Variants in RGMB observed in about 807,000 individuals in gnomAD.
RGMB encodes repulsive guidance molecule B.
RGMB carries 16 observed loss-of-function variants against 26.9 expected under a neutral mutation model. That is an observed-to-expected ratio of 0.60 (90% confidence interval 0.40 to 0.90). The LOEUF is 0.90. Among genes scored for constraint, RGMB ranks in the 40% least tolerant of loss-of-function variants. The pLI is 0.00. For missense variants in RGMB, 512 were observed against 573.3 expected, an observed-to-expected ratio of 0.89 and a Z score of 1.09; for synonymous variants, 225 against 229.3, an observed-to-expected ratio of 0.98 and a Z score of 0.17.
chr5:98,783,982 A>G (rs1746691931), intron 2 of RGMB, among the ~76,000 whole-genome samples: 1 of 152,180 alleles, frequency 6.6e-6, no homozygotes, highest in Non-Finnish European at 1.5e-5. Context: ...GTAACACAAA[A>G]TAAAAAGTAG....
At chr5:98,788,221 G>A (rs1413419792) in intron 2 of RGMB, among the ~76,000 whole-genome samples, 3 of 152,092 alleles carry the variant, frequency 2.0e-5, no homozygotes, top group African/African-American at 4.8e-5. Flanking sequence ...CACTCACCTC[G>A]TAAACACAGG....
At chr5:98,775,895 G>A (rs771182648) in intron 1 of RGMB, among the ~76,000 whole-genome samples, 26 of 152,208 alleles carry the variant, frequency 1.7e-4, no homozygotes, top group Non-Finnish European at 3.4e-4. Context: ...CCTTTTGAGA[G>A]ATTTCTTTGA....
rs761972355 is a variant in RGMB at position 98,779,883 on chromosome 5, C to T, written c.440C>T (p.Ala147Val). ...TGCAACTATCACAGCCACGCTGGAG[C>T]CAGGGAACACAGGAGAGGGGACCAG... is the stretch of plus-strand genomic sequence containing the variant. ...DPCNYHSHAG[A>V]REHRRGDQNP... The change falls in exon 2 of 3, where the codon GCC (alanine) becomes GTC (valine). Residue 147 changes from alanine to valine, a missense_variant. Physicochemically the swap from Ala to Val is moderately conservative, Grantham distance 64. Coordinates refer to ENST00000513185, the MANE Select transcript of RGMB (RefSeq NM_001366508.1). 5.6e-6 allele frequency: 9 copies of T among 1,613,994 alleles called. No homozygotes were observed. In the South Asian group the frequency reaches 9.9e-5, roughly 18 times the overall value.
intron 1 of RGMB, among the ~76,000 whole-genome samples, chr5:98,777,304 A>G (rs1483617440): frequency 6.6e-6 from 1 of 152,200 alleles, no homozygotes; most frequent in Non-Finnish European, 1.5e-5. Flanking sequence ...AGGCACTGCA[A>G]GTTTAGCGGG....
intron 2 of RGMB, among the ~76,000 whole-genome samples, chr5:98,792,630 G>T (rs2035229): frequency 2.3e-4 from 29 of 124,592 alleles, no homozygotes; most frequent in African/African-American, 8.7e-4. Flanking sequence ...AATCAGCCAC[G>T]CATGGTGGTA....
At chr5:98,771,990 G>C (rs898842773), upstream of RGMB, among the ~76,000 whole-genome samples, 1 of 152,176 alleles carries the variant, frequency 6.6e-6, no homozygotes, top group Non-Finnish European at 1.5e-5. Context: ...TCAGTATTAT[G>C]TTTGATTACT....
upstream of RGMB, chr5:98,770,531 C>T (rs1384807575): frequency 2.7e-6 from 2 of 748,006 alleles, no homozygotes; most frequent in Non-Finnish European, 3.8e-6. Context: ...CCCCGCAAGC[C>T]CCGGGCTCTC....
chr5:98,786,988 C>G (rs968848412), intron 2 of RGMB, among the ~76,000 whole-genome samples: 2 of 152,198 alleles, frequency 1.3e-5, no homozygotes, highest in Non-Finnish European at 2.9e-5. Flanking sequence ...CCATCTAAAA[C>G]TCACTTCTCA....
chr5:98,786,295 G>A (rs1420807571), intron 2 of RGMB, among the ~76,000 whole-genome samples: 1 of 152,192 alleles, frequency 6.6e-6, no homozygotes, highest in Non-Finnish European at 1.5e-5. Context: ...TGTGAGCCAG[G>A]CAAGATTCCG....
intron 2 of RGMB, among the ~76,000 whole-genome samples, chr5:98,783,080 A>G (rs1746659278): frequency 6.6e-6 from 1 of 151,962 alleles, no homozygotes; most frequent in South Asian, 2.1e-4. Context: ...TGGGAAAGGT[A>G]GGGTTTGTTT....
chr5:98,780,172 A>G (rs934882265), intron 2 of RGMB, 84 bp downstream of exon 2: 2 of 1,292,012 alleles, frequency 1.5e-6, no homozygotes, highest in Non-Finnish European at 2.1e-6. Flanking sequence ...AATGTGCTAT[A>G]AAGGGCCTAG....
At chr5:98,770,331 A>G (rs532360109), upstream of RGMB, 1 of 337,980 alleles carries the variant, frequency 3.0e-6, no homozygotes, top group East Asian at 4.5e-5. Flanking sequence ...CTGGCTAATG[A>G]GAGGTTAATT....
At chr5:98,784,409 T>C (rs1746707496) in intron 2 of RGMB, among the ~76,000 whole-genome samples, 1 of 152,228 alleles carries the variant, frequency 6.6e-6, no homozygotes. Context: ...TGGTTTGCTT[T>C]TGGTTAATGT....
At chr5:98,770,538 T>C, upstream of RGMB, 2 of 824,436 alleles carry the variant, frequency 2.4e-6, no homozygotes, top group Non-Finnish European at 3.3e-6. Context: ...AGCCCCGGGC[T>C]CTCTCCCTCC....
rs1746533556 is a variant in RGMB, at chr5:98,779,847, C to T, written c.404C>T (p.Thr135Ile). The T allele has an allele frequency of 6.2e-7, 1 of 1,613,932 alleles. No homozygotes were observed. The highest frequency in any genetic ancestry group is 8.5e-7 in the Non-Finnish European group (1 of 1,179,906). Residue 135 changes from threonine (T) to isoleucine (I), a missense_variant, in exon 2 of 3, where the codon ACC (threonine) becomes ATC (isoleucine). Thr to Ile is a moderately conservative substitution (Grantham distance 89). Coordinates refer to ENST00000513185, the MANE Select transcript of RGMB (RefSeq NM_001366508.1). ...GPTSSTNPEVTHDPCNYHSHA... is the reference protein window; with the variant it reads ...GPTSSTNPEVIHDPCNYHSHA... ...ACATCCTCTACCAACCCCGAAGTGACCCATGATCCTTGCAACTATCACAGC... is the reference window on the plus strand; with the variant it reads ...ACATCCTCTACCAACCCCGAAGTGATCCATGATCCTTGCAACTATCACAGC...
At chr5:98,773,038 T>G (rs538414119), upstream of RGMB, 1 of 152,124 alleles carries the variant, frequency 6.6e-6, no homozygotes, top group South Asian at 2.1e-4. Context: ...TCCTATCTGC[T>G]CCGGACCGCG....
chr5:98,780,372 G>A (rs921386157), intron 2 of RGMB: 4 of 326,350 alleles, frequency 1.2e-5, no homozygotes, highest in Non-Finnish European at 1.7e-5. Context: ...AGTAAAAAAA[G>A]GATGCTTTTT....
In RGMB at chr5:98,793,244, G is replaced by A. The variant is rs61742751; in HGVS notation, c.805G>A (p.Val269Met). 7.1e-4 allele frequency: 1,150 copies of A among 1,614,046 alleles called. 3 individuals carry two copies. The highest frequency in any genetic ancestry group is 1.4e-3 in the South Asian group (130 of 91,086). The change falls in exon 3 of 3, where the codon GTG becomes ATG. Residue 269 changes from valine to methionine, a missense_variant. Val to Met is a conservative substitution (Grantham distance 21). Coordinates refer to ENST00000513185, the MANE Select transcript of RGMB (RefSeq NM_001366508.1). Reference sequence around the variant, plus strand: ...CGTGGAAAGGGAGAGTGGCCACTATGTGGAGATGCACGCCCGCTATATAGG... The same window carrying A: ...CGTGGAAAGGGAGAGTGGCCACTATATGGAGATGCACGCCCGCTATATAGG... ...RIVERESGHY[V>M]EMHARYIGTT... is the part of the protein sequence containing the mutation.
In RGMB at chr5:98,774,051, C is replaced by T. The variant is rs866434735; in HGVS notation, c.-20C>T. On this transcript the variant is annotated 5_prime_UTR_variant, in exon 1 of 3. The change creates a new upstream start codon in the 5' untranslated region. Transcript: ENST00000513185. ...GCGCCGCCGCCCTCGCCGGAGCCCA[C>T]GAGACCTGCATGGACGGGCATGGGC... The T allele has an allele frequency of 1.2e-6, 1 of 852,328 alleles. No individual in the cohort carries two copies. Among genetic ancestry groups the T allele is most frequent in the Non-Finnish European group, 1.8e-6 (1 of 546,732 alleles). 52.8% of individuals were successfully genotyped at this position (852,328 alleles called of 1,614,324 possible).
Sources: gnomAD v4.1 joint callset for allele counts (sites outside exome capture counted in the v4.1 genomes callset) on GRCh38, gnomAD v4.1.1 for gene constraint, MANE v1.5 for transcripts, NCBI Gene and HGNC (gene_info 2026-07-23, HGNC 2026-07-21) for gene names.